The following CXCL13 variants were observed in gnomAD, a reference collection of about 807,000 sequenced individuals.
The protein encoded by CXCL13 is C-X-C motif chemokine ligand 13, also known as C-X-C motif chemokine 13.
In CXCL13, 7 loss-of-function variants were observed where a neutral mutation model predicts 12.2. That is an observed-to-expected ratio of 0.57 (90% CI 0.33 to 1.07). CXCL13 has a LOEUF of 1.07. Ranked by LOEUF, CXCL13 falls within the 50% of genes least tolerant of loss-of-function variation. The pLI is 0.04. For missense variants in CXCL13, 113 were observed against 127.4 expected, an observed-to-expected ratio of 0.89 and a Z score of 0.55; for synonymous variants, 47 against 42.4, an observed-to-expected ratio of 1.11 and a Z score of -0.42.
intron 1 of CXCL13, among the ~76,000 whole-genome samples, chr4:77,517,313 T>A (rs1013938220): frequency 3.3e-5 from 5 of 152,222 alleles, no homozygotes; most frequent in Non-Finnish European, 7.3e-5. Context: ...TCTGTAGATG[T>A]CTGTTAGGTC....
At position 77,563,215 on chromosome 4, in the gene CXCL13, G is replaced by A. The variant is rs141489956; in HGVS notation, c.-42-42609G>A. Among the ~76,000 whole-genome samples the A allele has an allele frequency of 4.5e-3, 683 of 152,066 alleles. 18 individuals are homozygous for A. Among genetic ancestry groups the A allele is most frequent in the East Asian group, 0.027 (139 of 5,168 alleles). On this transcript the variant is annotated intron_variant, in intron 1 of 4. Transcript: ENST00000286758. ...ACTGTAACGCTCACCGGGAGGGTCC[G>A]CAGCCTCATTCTTGAAGTCAGTGAG... is the stretch of plus-strand genomic sequence containing the variant.
intron 1 of CXCL13, among the ~76,000 whole-genome samples, chr4:77,550,837 T>C (rs1449059484): frequency 6.6e-6 from 1 of 152,242 alleles, no homozygotes; most frequent in African/African-American, 2.4e-5. Context: ...TTAAGTCTTG[T>C]TGAATTGAAT....
intron 1 of CXCL13, among the ~76,000 whole-genome samples, chr4:77,551,803 T>G (rs150453501): frequency 6.6e-6 from 1 of 152,336 alleles, no homozygotes; most frequent in East Asian, 1.9e-4. Context: ...TTTTTCTGTA[T>G]TTTTGTCTTA....
upstream of CXCL13, among the ~76,000 whole-genome samples, chr4:77,604,445 C>T (rs561567458): frequency 6.6e-6 from 1 of 152,108 alleles, no homozygotes; most frequent in Admixed American, 6.5e-5. Context: ...CACACCCTGC[C>T]TTCATATATT....
Position 77,551,909 on chromosome 4 carries a change from C to T in CXCL13, c.-43+40121C>T, listed in dbSNP as rs189894173. 7.7e-3 allele frequency among the ~76,000 whole-genome samples: 1,164 copies of T among 152,156 alleles called. 6 individuals are homozygous for T. The highest frequency in any genetic ancestry group is 0.014 in the Non-Finnish European group (947 of 67,976). Reference sequence around the variant, plus strand: ...AAGCTTTCCATTGTATTTTGAAATTCCTTAAGTGAGTTTTTCAATTCCAGA... The same window carrying T: ...AAGCTTTCCATTGTATTTTGAAATTTCTTAAGTGAGTTTTTCAATTCCAGA... On this transcript the variant is annotated intron_variant, in intron 1 of 4. Coordinates refer to the CXCL13 transcript ENST00000286758.
At chr4:77,532,731 T>G (rs970562590) in intron 1 of CXCL13, among the ~76,000 whole-genome samples, 1 of 152,154 alleles carries the variant, frequency 6.6e-6, no homozygotes, top group East Asian at 1.9e-4. Context: ...ATTTCTTGGA[T>G]GCTTTGTTCA....
intron 1 of CXCL13, among the ~76,000 whole-genome samples, chr4:77,570,533 C>T (rs901287798): frequency 1.2e-4 from 18 of 152,240 alleles, no homozygotes; most frequent in Non-Finnish European, 1.6e-4. Flanking sequence ...TTGCTCTCGG[C>T]GCCTCCTCTG....
chr4:77,523,102 T>C (rs1009695985), intron 1 of CXCL13, among the ~76,000 whole-genome samples: 19 of 152,212 alleles, frequency 1.2e-4, no homozygotes, highest in African/African-American at 4.3e-4. Flanking sequence ...GGGCTTCCCT[T>C]TGTGGGTAAC....
chr4:77,588,438 A>C (rs1285786299), intron 1 of CXCL13, among the ~76,000 whole-genome samples: 1 of 152,226 alleles, frequency 6.6e-6, no homozygotes, highest in Non-Finnish European at 1.5e-5. Flanking sequence ...CTATTCTGGC[A>C]GTTCAGTGTC....
At chr4:77,548,025 GA>G (rs1008968107) in intron 1 of CXCL13, among the ~76,000 whole-genome samples, 30 of 151,938 alleles carry the variant, frequency 2.0e-4, no homozygotes, top group African/African-American at 5.3e-4. Context: ...ATTCTGGGTT[GA>G]AAAAAAATTT....
chr4:77,598,959 C>T (rs2109834581), intron 1 of CXCL13, among the ~76,000 whole-genome samples: 1 of 152,274 alleles, frequency 6.6e-6, no homozygotes, highest in South Asian at 2.1e-4. Context: ...CAGGCACCTG[C>T]CACTATGCCC....
intron 1 of CXCL13, among the ~76,000 whole-genome samples, chr4:77,569,762 C>A (rs1726022446): frequency 6.6e-6 from 1 of 152,138 alleles, no homozygotes; most frequent in South Asian, 2.1e-4. Flanking sequence ...CTTCACAGAA[C>A]TAGAAAAAAC....
intron 1 of CXCL13, among the ~76,000 whole-genome samples, chr4:77,577,105 C>T (rs1364592545): frequency 6.6e-6 from 1 of 152,092 alleles, no homozygotes; most frequent in East Asian, 1.9e-4. Context: ...GAGCAATTAT[C>T]CTGCAAATCT....
intron 1 of CXCL13, among the ~76,000 whole-genome samples, chr4:77,596,358 G>C (rs997096133): frequency 6.6e-6 from 1 of 152,212 alleles, no homozygotes; most frequent in Non-Finnish European, 1.5e-5. Context: ...AAGGGAACAC[G>C]TACACTGTTG....
intron 1 of CXCL13, among the ~76,000 whole-genome samples, chr4:77,534,046 C>A (rs923837759): frequency 6.6e-6 from 1 of 152,166 alleles, no homozygotes; most frequent in Non-Finnish European, 1.5e-5. Flanking sequence ...CTGTCCTGCA[C>A]CCACTTTCCG....
intron 1 of CXCL13, 102 bp downstream of exon 1, chr4:77,606,031 G>A (rs1726996272): frequency 2.7e-6 from 2 of 729,106 alleles, no homozygotes; most frequent in East Asian, 5.6e-5. Flanking sequence ...CTGACTAAAG[G>A]GGGAAAAAAC....
intron 1 of CXCL13, among the ~76,000 whole-genome samples, chr4:77,543,438 G>A (rs1300495614): frequency 1.3e-5 from 2 of 151,992 alleles, no homozygotes; most frequent in Non-Finnish European, 2.9e-5. Flanking sequence ...TTCTTATAGT[G>A]TGCTGTTAGA....
intron 1 of CXCL13, among the ~76,000 whole-genome samples, chr4:77,577,870 G>A (rs765601508): frequency 5.9e-5 from 9 of 152,090 alleles, no homozygotes; most frequent in South Asian, 2.1e-4. Flanking sequence ...TACCCCTTTC[G>A]GATGCATCCT....
At chr4:77,552,348 T>C (rs956463362) in intron 1 of CXCL13, among the ~76,000 whole-genome samples, 10 of 152,232 alleles carry the variant, frequency 6.6e-5, no homozygotes, top group Non-Finnish European at 5.9e-5. Flanking sequence ...GGTAGGGTCC[T>C]TTGGCTTTGC....
Sources: gnomAD v4.1 joint callset for allele counts (sites outside exome capture counted in the v4.1 genomes callset) on GRCh38, gnomAD v4.1.1 for gene constraint, MANE v1.5 for transcripts, NCBI Gene and HGNC (gene_info 2026-07-23, HGNC 2026-07-21) for gene names.